GNAI1: variants seen among roughly 807,000 people sequenced by gnomAD.
The protein encoded by GNAI1 is G protein subunit alpha i1, also known as guanine nucleotide-binding protein G(i) subunit alpha-1.
In GNAI1, 11 loss-of-function variants were observed where a neutral mutation model predicts 38.9. The ratio of observed to expected loss-of-function variants is 0.28; its 90% confidence interval spans 0.18 to 0.47. The LOEUF (loss-of-function observed/expected upper bound fraction) is 0.47, where lower values mean the gene tolerates loss of function less well. Among genes scored for constraint, GNAI1 ranks in the 20% least tolerant of loss-of-function variants. GNAI1 has a pLI of 0.99. For missense variants in GNAI1, 317 were observed against 436.9 expected (o/e 0.73, Z 2.45); for synonymous variants, 166 against 145.1 (o/e 1.14, Z -1.04).
intron 1 of GNAI1, among the ~76,000 whole-genome samples, chr7:80,177,280 T>G (rs1788201848): frequency 6.6e-6 from 1 of 152,172 alleles, no homozygotes; most frequent in South Asian, 2.1e-4. Flanking sequence ...TCCACCCGCC[T>G]CAGCCTCCCA....
At chr7:80,205,292 T>G (rs1191728358) in intron 5 of GNAI1, among the ~76,000 whole-genome samples, 2 of 152,130 alleles carry the variant, frequency 1.3e-5, no homozygotes, top group African/African-American at 4.8e-5. Context: ...GTTGTTCTTT[T>G]AAGTTTAACA....
intron 5 of GNAI1, among the ~76,000 whole-genome samples, chr7:80,206,435 C>T (rs1241619492): frequency 6.6e-6 from 1 of 151,932 alleles, no homozygotes; most frequent in Non-Finnish European, 1.5e-5. Flanking sequence ...CTGCTCATTA[C>T]TATTTCCATA....
At chr7:80,210,919 G>T (rs767583713) in intron 5 of GNAI1, 50 bp from the exon 6 acceptor site, 7 of 1,561,662 alleles carry the variant, frequency 4.5e-6, no homozygotes, top group Middle Eastern at 1.7e-4. Flanking sequence ...GAACTTCTCA[G>T]AGCTTTTTGA....
rs1222119766 is a variant in GNAI1, at chr7:80,220,181, CTG to C, written c.*2690_*2691del. 6.6e-6 allele frequency among the ~76,000 whole-genome samples: 1 copy of C among 152,144 alleles called. No individual in the cohort carries two copies. Among genetic ancestry groups the C allele is most frequent in the Non-Finnish European group, 1.5e-5 (1 of 68,024 alleles). ...CACCTGAGGCCTGTTCCTTTCTACACTGTATCCAAATAGTGTCCTGTGCATAA... is the reference window on the plus strand; with the variant it reads ...CACCTGAGGCCTGTTCCTTTCTACACTATCCAAATAGTGTCCTGTGCATAA... On this transcript the variant is annotated 3_prime_UTR_variant, in exon 8 of 8. Coordinates refer to ENST00000649796, the MANE Select transcript of GNAI1 (RefSeq NM_002069.6).
chr7:80,137,481 C>T (rs572566327), intron 1 of GNAI1, among the ~76,000 whole-genome samples: 56 of 151,700 alleles, frequency 3.7e-4, no homozygotes, highest in African/African-American at 1.3e-3. Flanking sequence ...CCACCATGCT[C>T]GGCTAATTTT....
chr7:80,204,311 A>G (rs1353457356), intron 5 of GNAI1, among the ~76,000 whole-genome samples: 1 of 152,008 alleles, frequency 6.6e-6, no homozygotes, highest in African/African-American at 2.4e-5. Flanking sequence ...CTTATGCACT[A>G]TTTCATGATA....
chr7:80,146,504 C>T (rs942580843), intron 1 of GNAI1, among the ~76,000 whole-genome samples: 1 of 152,102 alleles, frequency 6.6e-6, no homozygotes, highest in Non-Finnish European at 1.5e-5. Context: ...TACTGTATGT[C>T]CTTGCTGCAA....
At chr7:80,193,456 T>A (rs1166772689) in intron 3 of GNAI1, among the ~76,000 whole-genome samples, 2 of 152,190 alleles carry the variant, frequency 1.3e-5, no homozygotes, top group East Asian at 1.9e-4. Context: ...CATAGAGCAG[T>A]CACATTTTAT....
intron 6 of GNAI1, 120 bp downstream of exon 6, chr7:80,211,218 A>G (rs1788867532): frequency 3.7e-6 from 3 of 803,298 alleles, no homozygotes; most frequent in Non-Finnish European, 3.8e-6. Context: ...TAACTTTTCT[A>G]TTTGATAAAA....
At chr7:80,193,051 A>G (rs1788510048) in intron 3 of GNAI1, among the ~76,000 whole-genome samples, 1 of 151,362 alleles carries the variant, frequency 6.6e-6, no homozygotes, top group African/African-American at 2.4e-5. Flanking sequence ...CATTACTGTC[A>G]TTCTACTGAG....
intron 1 of GNAI1, among the ~76,000 whole-genome samples, chr7:80,161,089 A>G (rs538394223): frequency 6.7e-4 from 102 of 152,340 alleles, no homozygotes; most frequent in African/African-American, 2.3e-3. Flanking sequence ...AAAGTAGAGT[A>G]TACACCTACT....
intron 1 of GNAI1, among the ~76,000 whole-genome samples, chr7:80,173,606 T>C (rs563729312): frequency 6.6e-6 from 1 of 151,730 alleles, no homozygotes; most frequent in Non-Finnish European, 1.5e-5. Flanking sequence ...AGCAGGTGGG[T>C]GGGAAGGGAG....
chr7:80,152,461 G>T (rs1430122709), intron 1 of GNAI1, among the ~76,000 whole-genome samples: 1 of 151,770 alleles, frequency 6.6e-6, no homozygotes, highest in Non-Finnish European at 1.5e-5. Context: ...ACTAAGTTAT[G>T]CATATCCATT....
At position 80,219,888 on chromosome 7, in the gene GNAI1, C is replaced by T. The variant is rs1789041670; in HGVS notation, c.*2395C>T. Among the ~76,000 whole-genome samples the T allele has an allele frequency of 1.3e-5, 2 of 152,174 alleles. No individual in the cohort carries two copies. The highest frequency in any genetic ancestry group is 1.5e-5 in the Non-Finnish European group (1 of 68,040). On this transcript the variant is annotated 3_prime_UTR_variant, in exon 8 of 8. Coordinates refer to ENST00000649796, the MANE Select transcript of GNAI1 (RefSeq NM_002069.6). ...GATTCCTAATCTCCATTTCAATTTA[C>T]TGACAGTTCTACAAAGCCTTAAATC...
At chr7:80,152,103 T>C (rs1787737716) in intron 1 of GNAI1, among the ~76,000 whole-genome samples, 1 of 152,204 alleles carries the variant, frequency 6.6e-6, no homozygotes, top group Non-Finnish European at 1.5e-5. Flanking sequence ...AGTATTAATC[T>C]CATGTTACAA....
intron 6 of GNAI1, among the ~76,000 whole-genome samples, chr7:80,212,045 A>G (rs1788884862): frequency 6.6e-6 from 1 of 152,150 alleles, no homozygotes; most frequent in African/African-American, 2.4e-5. Context: ...ACTTGAGTGT[A>G]TGCACATTTT....
At chr7:80,151,978 T>C (rs1319807207) in intron 1 of GNAI1, among the ~76,000 whole-genome samples, 1 of 152,250 alleles carries the variant, frequency 6.6e-6, no homozygotes, top group African/African-American at 2.4e-5. Flanking sequence ...CAAGCAAGAA[T>C]ATGAAGTTGA....
intron 5 of GNAI1, 122 bp from the exon 6 acceptor site, chr7:80,210,847 C>A: frequency 1.5e-6 from 1 of 667,736 alleles, no homozygotes. Flanking sequence ...TAAAGTCCTT[C>A]TCTCCTTCCT....
At position 80,221,445 on chromosome 7, in the gene GNAI1, C is replaced by T. The variant is rs966984369; in HGVS notation, c.*3952C>T. 6.6e-5 allele frequency among the ~76,000 whole-genome samples: 10 copies of T among 151,920 alleles called. No homozygotes were observed. The highest frequency in any genetic ancestry group is 1.0e-4 in the Non-Finnish European group (7 of 67,982). ...AGTGCTTAACAAATGGTTGTTGATA[C>T]GTGCTTTGAATGAAATGCCTCAAAA... On this transcript the variant is annotated 3_prime_UTR_variant, in exon 8 of 8. Transcript: ENST00000649796.
Sources: allele counts gnomAD v4.1 joint callset (sites outside exome capture counted in the v4.1 genomes callset), GRCh38; gene constraint gnomAD v4.1.1; transcripts MANE v1.5; gene names NCBI Gene and HGNC (gene_info 2026-07-23, HGNC 2026-07-21).